The following PCCA variants were observed in gnomAD, a reference collection of about 807,000 sequenced individuals.
PCCA encodes the protein propionyl-CoA carboxylase subunit alpha.
PCCA carries 74 observed loss-of-function variants against 101.3 expected under a neutral mutation model. That is an observed-to-expected ratio of 0.73 (90% CI 0.61 to 0.89). PCCA has a LOEUF of 0.89. Among genes scored for constraint, PCCA ranks in the 40% least tolerant of loss-of-function variants. The probability of loss-of-function intolerance (pLI) is 0.00; values close to 1 mark genes in which losing one functional copy is unlikely to be tolerated. For synonymous variants in PCCA, 294 were observed against 313.6 expected (o/e 0.94, Z 0.66); for missense variants, 891 against 907.0 (o/e 0.98, Z 0.23).
intron 18 of PCCA, among the ~76,000 whole-genome samples, chr13:100,348,787 T>TCTTTCTTCCTTC (rs1298483783): frequency 1.3e-3 from 60 of 46,626 alleles, no homozygotes; most frequent in East Asian, 6.3e-3. Context: ...TTTCTTTCTT[T>TCTTTCTTCCTTC]CTTCCTTCCT....
At chr13:100,230,776 C>T (rs1201187631) in intron 7 of PCCA, among the ~76,000 whole-genome samples, 5 of 152,126 alleles carry the variant, frequency 3.3e-5, no homozygotes, top group Non-Finnish European at 7.4e-5. Flanking sequence ...TTTGAAATAC[C>T]TAACTTGAAC....
chr13:100,361,136 G>A (rs906438995), intron 18 of PCCA, among the ~76,000 whole-genome samples: 2 of 152,074 alleles, frequency 1.3e-5, no homozygotes, highest in African/African-American at 2.4e-5. Flanking sequence ...CCAAGCATTC[G>A]GGGGAGGGAG....
chr13:100,290,613 C>T (rs1443143226), intron 12 of PCCA, among the ~76,000 whole-genome samples: 2 of 152,162 alleles, frequency 1.3e-5, no homozygotes, highest in Non-Finnish European at 2.9e-5. Flanking sequence ...TAGTCCATGC[C>T]CTTTTTCAGT....
chr13:100,369,043 G>A (rs182842670), intron 19 of PCCA, among the ~76,000 whole-genome samples: 1 of 152,140 alleles, frequency 6.6e-6, no homozygotes, highest in Admixed American at 6.5e-5. Flanking sequence ...TTGGATATAG[G>A]GTCCAAGATA....
At chr13:100,519,042 TTTG>T (rs1357821116) in intron 22 of PCCA, among the ~76,000 whole-genome samples, 2 of 152,256 alleles carry the variant, frequency 1.3e-5, no homozygotes, top group African/African-American at 4.8e-5. Flanking sequence ...GCACATTCGC[TTTG>T]TTAGCCTTTT....
chr13:100,415,099 A>T (rs144125623), intron 19 of PCCA, among the ~76,000 whole-genome samples: 1 of 152,120 alleles, frequency 6.6e-6, no homozygotes, highest in East Asian at 1.9e-4. Context: ...TATTTCTAGG[A>T]TTCTTTCTAG....
At chr13:100,180,327 C>G (rs552313070) in intron 6 of PCCA, among the ~76,000 whole-genome samples, 1 of 152,318 alleles carries the variant, frequency 6.6e-6, no homozygotes, top group South Asian at 2.1e-4. Flanking sequence ...TCCTGCTGTT[C>G]TTAGCATCAT....
At chr13:100,260,687 G>A (rs1034561717) in intron 9 of PCCA, among the ~76,000 whole-genome samples, 2 of 152,172 alleles carry the variant, frequency 1.3e-5, no homozygotes, top group Non-Finnish European at 2.9e-5. Context: ...GTGAGCCACT[G>A]CACTTGGCCA....
intron 16 of PCCA, among the ~76,000 whole-genome samples, chr13:100,312,027 A>G (rs558548045): frequency 6.6e-6 from 1 of 152,306 alleles, no homozygotes; most frequent in East Asian, 1.9e-4. Context: ...TATTAGGCAC[A>G]TGAGGACACT....
chr13:100,395,081 C>G (rs1330542542), intron 19 of PCCA, among the ~76,000 whole-genome samples: 1 of 152,124 alleles, frequency 6.6e-6, no homozygotes, highest in Non-Finnish European at 1.5e-5. Context: ...GCTCTAACAT[C>G]CTGATTTGTA....
intron 19 of PCCA, among the ~76,000 whole-genome samples, chr13:100,384,958 G>A (rs906057429): frequency 6.6e-6 from 1 of 151,860 alleles, no homozygotes; most frequent in Non-Finnish European, 1.5e-5. Context: ...TAAGTTTTTT[G>A]AAGTCATATT....
At chr13:100,233,313 T>G (rs2152517908) in intron 7 of PCCA, among the ~76,000 whole-genome samples, 1 of 152,336 alleles carries the variant, frequency 6.6e-6, no homozygotes, top group African/African-American at 2.4e-5. Context: ...AAGTGAGATC[T>G]CATTGTTTTA....
chr13:100,452,481 T>A (rs2081402315), intron 21 of PCCA, among the ~76,000 whole-genome samples: 1 of 152,170 alleles, frequency 6.6e-6, no homozygotes, highest in Non-Finnish European at 1.5e-5. Context: ...CTGCCCTTGT[T>A]TTTCTTCTAC....
chr13:100,257,210 T>A (rs2062133187), intron 8 of PCCA, among the ~76,000 whole-genome samples: 1 of 152,208 alleles, frequency 6.6e-6, no homozygotes, highest in African/African-American at 2.4e-5. Flanking sequence ...GGGAATTTGT[T>A]ATGCATGCAA....
chr13:100,349,027 C>T (rs574923534), intron 18 of PCCA, among the ~76,000 whole-genome samples: 10 of 152,164 alleles, frequency 6.6e-5, no homozygotes, highest in African/African-American at 1.9e-4. Flanking sequence ...ACTACAGCCT[C>T]TGCCCGCTGG....
chr13:100,327,752 T>C (rs1398929771), intron 16 of PCCA, among the ~76,000 whole-genome samples: 4 of 152,234 alleles, frequency 2.6e-5, no homozygotes, highest in African/African-American at 2.4e-5. Flanking sequence ...ACTTTGGCCA[T>C]GTAAATCGGT....
At chr13:100,359,637 C>T (rs928364229) in intron 18 of PCCA, among the ~76,000 whole-genome samples, 4 of 152,276 alleles carry the variant, frequency 2.6e-5, no homozygotes, top group Admixed American at 6.5e-5. Context: ...CAAGAAATAA[C>T]GGAGCCTAAT....
chr13:100,235,852 A>C lies in PCCA; in HGVS notation c.611A>C (p.Glu204Ala), dbSNP rs766876474. ...GFDGVVKDAE[E>A]AVRIAREIGY... is the part of the protein sequence containing the mutation. ...TTCCTGCTTTTACAGGATGCAGAAG[A>C]AGCTGTCAGAATTGCAAGGGAAATT... Residue 204 changes from glutamate to alanine, a missense_variant, in exon 8 of 24, where the codon GAA becomes GCA. By Grantham distance (107) the Glu-to-Ala change is moderately radical. Transcript: ENST00000376285. The C allele has an allele frequency of 1.2e-6, 2 of 1,608,092 alleles. No individual in the cohort carries two copies. Among genetic ancestry groups the C allele is most frequent in the South Asian group, 1.1e-5 (1 of 90,924 alleles).
intron 20 of PCCA, among the ~76,000 whole-genome samples, chr13:100,439,615 T>C (rs2080194850): frequency 1.3e-5 from 2 of 152,156 alleles, no homozygotes; most frequent in South Asian, 4.1e-4. Context: ...TTTCTTACAG[T>C]GTAGTTTGTG....
Sources: allele counts gnomAD v4.1 joint callset (sites outside exome capture counted in the v4.1 genomes callset), GRCh38; gene constraint gnomAD v4.1.1; transcripts MANE v1.5; gene names NCBI Gene and HGNC (gene_info 2026-07-23, HGNC 2026-07-21).